Variants in CSMD2 observed in about 807,000 individuals in gnomAD.
CSMD2 encodes the protein CUB and Sushi multiple domains 2.
Under a neutral mutation model 398.5 loss-of-function variants are expected in CSMD2, and 130 were observed. The ratio of observed to expected loss-of-function variants is 0.33; its 90% CI spans 0.28 to 0.38. The LOEUF is 0.38. Ranked by LOEUF, CSMD2 falls within the 10% of genes least tolerant of loss-of-function variation. The pLI, the probability that CSMD2 is intolerant of heterozygous loss-of-function variation, is 1.00. For missense variants in CSMD2, 3,829 were observed against 4,764.9 expected (o/e 0.80, Z 5.78); for synonymous variants, 1,828 against 1,908.5 (o/e 0.96, Z 1.10).
intron 6 of CSMD2, among the ~76,000 whole-genome samples, chr1:33,826,857 C>T (rs1004950994): frequency 2.2e-4 from 34 of 152,192 alleles, no homozygotes; most frequent in African/African-American, 8.0e-4. Context: ...GTGCCATCTT[C>T]CAGCTGGCCC....
intron 2 of CSMD2, among the ~76,000 whole-genome samples, chr1:34,046,109 C>T (rs531879535): frequency 1.3e-4 from 20 of 152,272 alleles, no homozygotes; most frequent in African/African-American, 2.9e-4. Flanking sequence ...AGCTACCTTC[C>T]GTTAGATGAC....
At chr1:33,907,863 G>T in intron 5 of CSMD2, among the ~76,000 whole-genome samples, 1 of 152,010 alleles carries the variant, frequency 6.6e-6, no homozygotes, top group East Asian at 1.9e-4. Context: ...GGGCGTGGTG[G>T]CTCACCTGAG....
intron 6 of CSMD2, among the ~76,000 whole-genome samples, chr1:33,827,819 T>G (rs904539478): frequency 2.0e-5 from 3 of 152,218 alleles, no homozygotes; most frequent in African/African-American, 7.2e-5. Flanking sequence ...GAAACAGCTG[T>G]GTTCTTCACT....
rs1454547778 is a variant in CSMD2, at chr1:33,617,523, C to T, written c.5922G>A (p.Gln1974=). ...CCTGGAGGGCATATCCCGGCTCACA[C>T]TGGAAAGACACCACATCATTCACCA... The part of the protein sequence containing the change: ...RYLVNDVVSF[Q]CEPGYALQGH... Residue 1974 remains glutamine (Q), a synonymous_variant, in exon 38 of 71, where the codon CAG becomes CAA. Transcript: ENST00000373381. The T allele has an allele frequency of 1.2e-6, 2 of 1,614,046 alleles. No homozygotes were observed. Among genetic ancestry groups the T allele is most frequent in the Non-Finnish European group, 1.7e-6 (2 of 1,179,956 alleles).
intron 1 of CSMD2, among the ~76,000 whole-genome samples, chr1:34,137,857 T>C (rs1638909512): frequency 6.6e-6 from 1 of 152,222 alleles, no homozygotes; most frequent in Non-Finnish European, 1.5e-5. Flanking sequence ...AGAAACTGCG[T>C]TCACAGAGGT....
intron 1 of CSMD2, among the ~76,000 whole-genome samples, chr1:34,147,723 C>G (rs921678042): frequency 1.3e-5 from 2 of 148,444 alleles, no homozygotes; most frequent in Non-Finnish European, 3.0e-5. Flanking sequence ...GGGAGGGAAA[C>G]AGAGGGGAGG....
At chr1:33,684,112 A>T (rs1644989985) in intron 25 of CSMD2, among the ~76,000 whole-genome samples, 1 of 152,128 alleles carries the variant, frequency 6.6e-6, no homozygotes, top group African/African-American at 2.4e-5. Context: ...ACTGATCTGA[A>T]ACGACAGCAA....
chr1:33,883,607 G>C (rs775126688), intron 5 of CSMD2, among the ~76,000 whole-genome samples: 2 of 152,108 alleles, frequency 1.3e-5, no homozygotes, highest in Non-Finnish European at 2.9e-5. Context: ...GTGAAATCTA[G>C]ACACTTTCAT....
In CSMD2 at chr1:34,058,803, C is replaced by T. The variant is rs139025774; in HGVS notation, c.405-26097G>A. 5.5e-4 allele frequency among the ~76,000 whole-genome samples: 83 copies of T among 152,110 alleles called. 1 individual carries two copies. In the East Asian group the frequency reaches 6.0e-3, roughly 11 times the overall value. On this transcript the variant is annotated intron_variant, in intron 2 of 70. Transcript: ENST00000373381. ...GAAGCCTGGACCCTGCTCCCCACAC[C>T]CCAGCCCTGAATTACATGATTGCTC...
chr1:33,845,105 G>A (rs1316030410), intron 6 of CSMD2, among the ~76,000 whole-genome samples: 2 of 152,022 alleles, frequency 1.3e-5, no homozygotes, highest in Non-Finnish European at 2.9e-5. Context: ...TTTACAGTGG[G>A]GTGGGATGAG....
intron 38 of CSMD2, 118 bp downstream of exon 38, chr1:33,617,381 C>T: frequency 1.4e-6 from 1 of 736,422 alleles, no homozygotes; most frequent in Non-Finnish European, 2.4e-6. Flanking sequence ...ATAATGGTAC[C>T]CGGGGGACCT....
At chr1:33,825,648 T>G in intron 7 of CSMD2, 49 bp downstream of exon 7, 5 of 1,531,712 alleles carry the variant, frequency 3.3e-6, no homozygotes, top group African/African-American at 1.4e-5. Flanking sequence ...CCTGCACGTG[T>G]GACCTCAAGC....
At position 33,871,607 on chromosome 1, in the gene CSMD2, C is replaced by T. The variant is rs1190074051; in HGVS notation, c.921-24611G>A. Among the ~76,000 whole-genome samples the T allele has an allele frequency of 2.0e-5, 3 of 152,128 alleles. No individual in the cohort carries two copies. The East Asian group carries it at 5.8e-4, about 29-fold the overall frequency. On this transcript the variant is annotated intron_variant, in intron 5 of 70. Coordinates refer to ENST00000373381, the MANE Select transcript of CSMD2 (RefSeq NM_001281956.2). ...GACTGAGCATGTTGATGTGCCTGCT[C>T]AGGTCTCTCTTCTTTTGTTTTGTTT... is the stretch of plus-strand genomic sequence containing the variant.
chr1:34,016,645 A>G (rs1415259492), intron 3 of CSMD2, among the ~76,000 whole-genome samples: 1 of 152,220 alleles, frequency 6.6e-6, no homozygotes. Flanking sequence ...AGATACATGG[A>G]CATGTATGTT....
At chr1:34,100,451 C>T (rs1002713344) in intron 1 of CSMD2, among the ~76,000 whole-genome samples, 1 of 152,082 alleles carries the variant, frequency 6.6e-6, no homozygotes, top group South Asian at 2.1e-4. Context: ...AACAATACAC[C>T]GGGGACACGT....
intron 2 of CSMD2, among the ~76,000 whole-genome samples, chr1:34,043,090 A>AT (rs1306554777): frequency 2.0e-5 from 3 of 151,410 alleles, no homozygotes; most frequent in Non-Finnish European, 4.4e-5. Context: ...CGCCCAGCTA[A>AT]TTTTTTTGTA....
chr1:34,121,451 C>T (rs1016420541), intron 1 of CSMD2, among the ~76,000 whole-genome samples: 10 of 152,204 alleles, frequency 6.6e-5, no homozygotes, highest in African/African-American at 1.4e-4. Context: ...AGAGACTCTA[C>T]CTGTTAGAAT....
intron 49 of CSMD2, among the ~76,000 whole-genome samples, chr1:33,573,214 T>C (rs1251775479): frequency 2.0e-5 from 3 of 152,216 alleles, no homozygotes; most frequent in Non-Finnish European, 4.4e-5. Context: ...AGGAGAGACT[T>C]TGTGGACCAA....
intron 42 of CSMD2, among the ~76,000 whole-genome samples, chr1:33,604,234 C>G (rs1298769835): frequency 6.6e-6 from 1 of 152,218 alleles, no homozygotes; most frequent in Non-Finnish European, 1.5e-5. Context: ...GCTTGTTGCA[C>G]AGCACGTGAT....
Sources: gnomAD v4.1 joint callset for allele counts (sites outside exome capture counted in the v4.1 genomes callset) on GRCh38, gnomAD v4.1.1 for gene constraint, MANE v1.5 for transcripts, NCBI Gene and HGNC (gene_info 2026-07-23, HGNC 2026-07-21) for gene names.